Variants in CHD6 observed in about 807,000 individuals in gnomAD.
CHD6 encodes chromodomain helicase DNA binding protein 6.
In CHD6, 50 loss-of-function variants were observed where a neutral mutation model predicts 276.9. The observed-to-expected ratio is 0.18, with a 90% confidence interval of 0.14 to 0.23. The LOEUF (loss-of-function observed/expected upper bound fraction) is 0.23, where lower values mean the gene tolerates loss of function less well. Among genes scored for constraint, CHD6 ranks in the 10% least tolerant of loss-of-function variants. The pLI is 1.00. For synonymous variants in CHD6, 1,173 were observed against 1,229.3 expected (o/e 0.95, Z 0.96); for missense variants, 2,564 against 3,365.8 (o/e 0.76, Z 5.89).
intron 1 of CHD6, among the ~76,000 whole-genome samples, chr20:41,611,973 G>T (rs1378373241): frequency 6.6e-6 from 1 of 152,158 alleles, no homozygotes. Context: ...AAGTAATGCT[G>T]AAGTTTCCCA....
At chr20:41,514,180 T>C (rs1013906505) in intron 4 of CHD6, among the ~76,000 whole-genome samples, 1 of 152,230 alleles carries the variant, frequency 6.6e-6, no homozygotes, top group Non-Finnish European at 1.5e-5. Context: ...GTCAGTCTTA[T>C]TCTAAATGAG....
At chr20:41,458,503 G>A (rs1474492297) in intron 17 of CHD6, among the ~76,000 whole-genome samples, 1 of 152,134 alleles carries the variant, frequency 6.6e-6, no homozygotes, top group Admixed American at 6.5e-5. Flanking sequence ...AAAGGAAGAC[G>A]AGAATCAACT....
Position 41,484,596 on chromosome 20 carries a change from C to T in CHD6, c.2013G>A (p.Leu671=), listed in dbSNP as rs375247033. 1.2e-6 allele frequency: 2 copies of T among 1,613,652 alleles called. No homozygotes were observed. The highest frequency in any genetic ancestry group is 2.7e-5 in the African/African-American group (2 of 74,882). Residue 671 remains leucine (L), a synonymous_variant, in exon 15 of 37, where the codon CTG becomes CTA. Coordinates refer to ENST00000373233, the MANE Select transcript of CHD6 (RefSeq NM_032221.5). ...GCATCATTGGTTTTAGGATAGACTG[C>T]AGTTTCTTTACCTGTCCAGGGAAAT... The part of the protein sequence containing the change: ...DLKTEEQVKK[L]QSILKPMMLR...
At chr20:41,564,546 T>A (rs1312081104) in intron 1 of CHD6, among the ~76,000 whole-genome samples, 1 of 152,152 alleles carries the variant, frequency 6.6e-6, no homozygotes, top group East Asian at 1.9e-4. Flanking sequence ...AAAGAGAATT[T>A]TAGGGGATAA....
intron 1 of CHD6, among the ~76,000 whole-genome samples, chr20:41,589,938 G>A (rs528817465): frequency 2.0e-5 from 3 of 152,246 alleles, no homozygotes; most frequent in South Asian, 4.2e-4. Context: ...CAAAGCTGGA[G>A]GCATCACGCT....
At chr20:41,414,825 A>C (rs1318703433) in intron 34 of CHD6, 8 of 1,148,272 alleles carry the variant, frequency 7.0e-6, no homozygotes, top group Non-Finnish European at 5.4e-6. Context: ...CCCATACCCC[A>C]GTCTTGGAGA....
intron 1 of CHD6, among the ~76,000 whole-genome samples, chr20:41,553,160 C>T (rs2045170987): frequency 6.6e-6 from 1 of 152,170 alleles, no homozygotes; most frequent in Non-Finnish European, 1.5e-5. Flanking sequence ...TCTTAACCAT[C>T]ACAAACTGCC....
chr20:41,497,953 G>A, intron 7 of CHD6: 3 of 532,304 alleles, frequency 5.6e-6, no homozygotes, highest in East Asian at 6.7e-5. Context: ...CTTGGGTGGA[G>A]CAAAGGCTTT....
intron 3 of CHD6, among the ~76,000 whole-genome samples, chr20:41,519,762 G>A (rs540075769): frequency 2.0e-5 from 3 of 152,128 alleles, no homozygotes; most frequent in Non-Finnish European, 2.9e-5. Flanking sequence ...ACACAGGCAT[G>A]GGCAAGGACT....
intron 1 of CHD6, among the ~76,000 whole-genome samples, chr20:41,613,924 G>C (rs914418838): frequency 4.6e-5 from 7 of 151,770 alleles, no homozygotes; most frequent in Admixed American, 2.6e-4. Context: ...TAAACCTTTA[G>C]GTAGGAAGTA....
chr20:41,589,722 CACAA>C lies in CHD6; in HGVS notation c.-24+28614_-24+28617del, dbSNP rs368116982. Among the ~76,000 whole-genome samples the C allele has an allele frequency of 3.4e-4, 51 of 152,220 alleles. 1 individual carries two copies. In the East Asian group the frequency reaches 8.5e-3, roughly 25 times the overall value. ...CACTGCTCAACGAAATAAAAGAGGA[CACAA>C]ACAAATGGAAGAACATTCCATGCTC... On this transcript the variant is annotated intron_variant, in intron 1 of 36. Coordinates refer to ENST00000373233, the MANE Select transcript of CHD6 (RefSeq NM_032221.5).
At chr20:41,434,412 C>T (rs2047640674) in intron 27 of CHD6, among the ~76,000 whole-genome samples, 1 of 152,110 alleles carries the variant, frequency 6.6e-6, no homozygotes, top group African/African-American at 2.4e-5. Context: ...GCTCTGCTGC[C>T]CAGGCTGGAG....
At position 41,421,638 on chromosome 20, in the gene CHD6, T is replaced by A. The variant is rs1330254274; in HGVS notation, c.4997A>T (p.Glu1666Val). 1.2e-6 allele frequency: 2 copies of A among 1,613,834 alleles called. No homozygotes were observed. Among genetic ancestry groups the A allele is most frequent in the South Asian group, 2.2e-5 (2 of 91,038 alleles). ...CAGGCTGAGATGATCATCTCTGCTT[T>A]CTACTCTCACTAGATTTTCAGGTTC... ...ENEPENLVRV[E>V]SRDDHLSLPD... The change falls in exon 31 of 37, where the codon GAA (glutamate) becomes GTA (valine). Residue 1666 changes from glutamate (E) to valine (V), a missense_variant. By Grantham distance (121) the Glu-to-Val change is moderately radical (BLOSUM62 -2). Transcript: ENST00000373233.
Position 41,533,439 on chromosome 20 carries a change from A to C in CHD6, c.165T>G (p.Cys55Trp). 6.2e-7 allele frequency: 1 copy of C among 1,614,202 alleles called. No homozygotes were observed. The highest frequency in any genetic ancestry group is 8.5e-7 in the Non-Finnish European group (1 of 1,180,040). ...EEKIEDVASH[C>W]LPQKDLYTAE... Reference sequence around the variant, plus strand: ...CAGTATACAGGTCCTTCTGAGGCAGACAGTGACTAGCAACATCTTCAATTT... The same window carrying C: ...CAGTATACAGGTCCTTCTGAGGCAGCCAGTGACTAGCAACATCTTCAATTT... The change falls in exon 3 of 37, where the codon TGT (cysteine) becomes TGG (tryptophan). Residue 55 changes from cysteine (C) to tryptophan (W), a missense_variant. Cys to Trp is a radical substitution (Grantham distance 215). Transcript: ENST00000373233.
intron 27 of CHD6, among the ~76,000 whole-genome samples, chr20:41,435,220 GAGGGAAA>G (rs1569075041): frequency 3.3e-5 from 5 of 152,064 alleles, no homozygotes; most frequent in Non-Finnish European, 5.9e-5. Flanking sequence ...AAGCAATGCC[GAGGGAAA>G]TTTACAGCAC....
intron 35 of CHD6, 151 bp downstream of exon 35, chr20:41,413,173 A>C: frequency 1.9e-6 from 1 of 537,520 alleles, no homozygotes; most frequent in Non-Finnish European, 3.2e-6. Flanking sequence ...AAACTTAAAA[A>C]CAAAAGTCCT....
chr20:41,533,925 G>A (rs558216449), intron 2 of CHD6, among the ~76,000 whole-genome samples: 10 of 152,324 alleles, frequency 6.6e-5, no homozygotes, highest in African/African-American at 2.2e-4. Flanking sequence ...CTGTATAGGA[G>A]GAAGTTTTAT....
At chr20:41,561,521 TCTC>T (rs1443572565) in intron 1 of CHD6, among the ~76,000 whole-genome samples, 9 of 152,120 alleles carry the variant, frequency 5.9e-5, no homozygotes, top group African/African-American at 1.9e-4. Flanking sequence ...TCCTGGGACT[TCTC>T]CTCACCATCC....
intron 22 of CHD6, 79 bp downstream of exon 22, chr20:41,451,747 G>C: frequency 7.9e-7 from 1 of 1,267,684 alleles, no homozygotes; most frequent in Non-Finnish European, 1.2e-6. Flanking sequence ...CCAAAGCACA[G>C]CAATACGGCC....
Sources: gnomAD v4.1 joint callset for allele counts (sites outside exome capture counted in the v4.1 genomes callset) on GRCh38, gnomAD v4.1.1 for gene constraint, MANE v1.5 for transcripts, NCBI Gene and HGNC (gene_info 2026-07-23, HGNC 2026-07-21) for gene names.